The following IRAK1BP1 variants were observed in gnomAD, a reference collection of about 807,000 sequenced individuals.
The protein encoded by IRAK1BP1 is interleukin 1 receptor associated kinase 1 binding protein 1, also known as interleukin-1 receptor-associated kinase 1-binding protein 1.
A neutral mutation model predicts 28.0 loss-of-function variants in IRAK1BP1; 24 were observed. That is an observed-to-expected ratio of 0.86 (90% CI 0.62 to 1.20). The LOEUF (loss-of-function observed/expected upper bound fraction) is 1.20. IRAK1BP1 is among the 50% of genes most tolerant of loss of function. The probability of loss-of-function intolerance (pLI) is 0.00; values close to 1 mark genes in which losing one functional copy is unlikely to be tolerated. For synonymous variants in IRAK1BP1, 131 were observed against 116.3 expected, an observed-to-expected ratio of 1.13 and a Z score of -0.81; for missense variants, 336 against 316.7, an observed-to-expected ratio of 1.06 and a Z score of -0.46.
chr6:78,952,388 C>T, the IRAK1BP1 span, among the ~76,000 whole-genome samples: 1 of 142,464 alleles, frequency 7.0e-6, no homozygotes, highest in Non-Finnish European at 1.5e-5. Context: ...CACTGCACTC[C>T]AGCCTGGAGA....
At chr6:78,883,118 C>G (rs1007978574) in intron 1 of IRAK1BP1, among the ~76,000 whole-genome samples, 2 of 151,896 alleles carry the variant, frequency 1.3e-5, no homozygotes, top group Non-Finnish European at 2.9e-5. Context: ...AAAATCTGGG[C>G]ATGGTGGTAT....
downstream of IRAK1BP1, among the ~76,000 whole-genome samples, chr6:78,903,947 CTG>C (rs1469360510): frequency 6.6e-6 from 1 of 152,186 alleles, no homozygotes; most frequent in African/African-American, 2.4e-5. Context: ...CTTCACAAGA[CTG>C]TGAACTCCTC....
chr6:78,934,273 G>A lies in IRAK1BP1; in HGVS notation c.*68-11135G>A, dbSNP rs138458415. Among the ~76,000 whole-genome samples the A allele has an allele frequency of 1.2e-3, 185 of 152,290 alleles. 1 individual carries two copies. The highest frequency in any genetic ancestry group is 3.4e-3 in the Middle Eastern group (1 of 294). On this transcript the variant is annotated intron_variant and NMD_transcript_variant, in intron 4 of 4. Transcript: ENST00000606868. ...ACAGATCACCATGGACAGATAGAAT[G>A]AGATTTTAAAAGTTGGAAATATCGC...
intron 4 of IRAK1BP1, among the ~76,000 whole-genome samples, chr6:78,916,279 C>T (rs1026016998): frequency 1.1e-4 from 16 of 151,700 alleles, no homozygotes; most frequent in African/African-American, 3.9e-4. Flanking sequence ...TATTTCTTGC[C>T]TCAGTTTTGT....
intron 1 of IRAK1BP1, among the ~76,000 whole-genome samples, chr6:78,868,181 A>T (rs1770658428): frequency 6.6e-6 from 1 of 152,260 alleles, no homozygotes; most frequent in African/African-American, 2.4e-5. Context: ...TTTGTTTTTA[A>T]ATTTAAAGTG....
chr6:78,974,562 C>A, the IRAK1BP1 span, among the ~76,000 whole-genome samples: 1 of 151,800 alleles, frequency 6.6e-6, no homozygotes, highest in Non-Finnish European at 1.5e-5. Flanking sequence ...CACAAAAAAC[C>A]CTTCAAAAAA....
Position 78,890,117 on chromosome 6 carries a change from G to A in IRAK1BP1, c.381+4674G>A, listed in dbSNP as rs533073759. 1.7e-4 allele frequency among the ~76,000 whole-genome samples: 26 copies of A among 152,222 alleles called. No homozygotes were observed. The South Asian group carries it at 5.2e-3, about 30-fold the overall frequency. On this transcript the variant is annotated intron_variant, in intron 2 of 3. Transcript: ENST00000369940. ...AAAAAAGGATGCGTTCATGTTCTTTGCGGGGACATGGATGAAGCTGGAAAC... is the reference window on the plus strand; with the variant it reads ...AAAAAAGGATGCGTTCATGTTCTTTACGGGGACATGGATGAAGCTGGAAAC...
At chr6:78,971,229 C>T in the IRAK1BP1 span, among the ~76,000 whole-genome samples, 1 of 152,116 alleles carries the variant, frequency 6.6e-6, no homozygotes, top group African/African-American at 2.4e-5. Context: ...ACTTTTTTAG[C>T]AAGTAGTTTG....
At chr6:78,974,751 G>T in the IRAK1BP1 span, among the ~76,000 whole-genome samples, 1 of 151,888 alleles carries the variant, frequency 6.6e-6, no homozygotes. Flanking sequence ...ACACTTCTAC[G>T]CAAATAAACT....
chr6:78,908,776 C>G (rs568571567), intron 4 of IRAK1BP1, among the ~76,000 whole-genome samples: 1 of 152,306 alleles, frequency 6.6e-6, no homozygotes, highest in South Asian at 2.1e-4. Flanking sequence ...AAGCCACCCT[C>G]AGCTGACTCT....
chr6:78,948,366 AG>A (rs574656434), downstream of IRAK1BP1, among the ~76,000 whole-genome samples: 487 of 152,352 alleles, frequency 3.2e-3, 3 homozygotes, highest in African/African-American at 0.01. Context: ...GTATAAAATT[AG>A]GTAACAGATT....
intron 1 of IRAK1BP1, among the ~76,000 whole-genome samples, chr6:78,874,517 C>T (rs910907951): frequency 6.6e-6 from 1 of 152,088 alleles, no homozygotes; most frequent in Admixed American, 6.5e-5. Flanking sequence ...CCAGTACTAT[C>T]CTGTTTAAAT....
rs1003122552 is a variant in IRAK1BP1 at position 78,901,110 on chromosome 6, A to G, written c.*2776A>G. The G allele has an allele frequency of 6.6e-6, 1 of 151,170 alleles. No homozygotes were observed. The highest frequency in any genetic ancestry group is 2.4e-5 in the African/African-American group (1 of 41,192). 9.4% of individuals were successfully genotyped at this position (151,170 alleles called of 1,614,324 possible). ...ATGGGTAGTTTTTTTTTTTTTAGCT[A>G]TGGGTTCATGCTGTATTTGGTTGCA... On this transcript the variant is annotated 3_prime_UTR_variant, in exon 4 of 4. Transcript: ENST00000369940.
At chr6:78,867,985 A>G in intron 1 of IRAK1BP1, 94 bp downstream of exon 1, 1 of 1,335,824 alleles carries the variant, frequency 7.5e-7, no homozygotes, top group Non-Finnish European at 1.0e-6. Flanking sequence ...GGGAAGGGAG[A>G]TGTGGAGGGT....
At chr6:78,871,572 TC>T (rs1562073318) in intron 1 of IRAK1BP1, 1 of 978,302 alleles carries the variant, frequency 1.0e-6, no homozygotes, top group Non-Finnish European at 1.2e-6. Flanking sequence ...AATGTTTGTT[TC>T]CCCCCAAAAT....
chr6:78,966,448 T>G, the IRAK1BP1 span, among the ~76,000 whole-genome samples: 1 of 152,160 alleles, frequency 6.6e-6, no homozygotes, highest in East Asian at 1.9e-4. Flanking sequence ...TCTTACTTTC[T>G]GTAAGCAAGT....
intron 2 of IRAK1BP1, among the ~76,000 whole-genome samples, chr6:78,892,815 C>T (rs1771711569): frequency 6.6e-6 from 1 of 152,014 alleles, no homozygotes; most frequent in South Asian, 2.1e-4. Flanking sequence ...GCAAATTAGA[C>T]CTTACACAAG....
downstream of IRAK1BP1, chr6:78,947,803 T>C: frequency 6.6e-7 from 1 of 1,524,554 alleles, no homozygotes; most frequent in Non-Finnish European, 9.0e-7. Context: ...GGTGGTGTTA[T>C]GATTATTACT....
intron 1 of IRAK1BP1, among the ~76,000 whole-genome samples, chr6:78,882,604 A>T (rs1771268069): frequency 6.6e-6 from 1 of 152,184 alleles, no homozygotes; most frequent in Non-Finnish European, 1.5e-5. Context: ...TCAATGTCAA[A>T]ATGAGGGACA....
Sources: gnomAD v4.1 joint callset for allele counts (sites outside exome capture counted in the v4.1 genomes callset) on GRCh38, gnomAD v4.1.1 for gene constraint, MANE v1.5 for transcripts, NCBI Gene and HGNC (gene_info 2026-07-23, HGNC 2026-07-21) for gene names.